DSCAM: variants seen among roughly 807,000 people sequenced by gnomAD.
DSCAM encodes the protein DS cell adhesion molecule.
Under a neutral mutation model 217.7 loss-of-function variants are expected in DSCAM, and 47 were observed. That is an observed-to-expected ratio of 0.22 (90% CI 0.17 to 0.28). The LOEUF is 0.28. Ranked by LOEUF, DSCAM falls within the 10% of genes least tolerant of loss-of-function variation. The pLI is 1.00. For missense variants in DSCAM, 2,080 were observed against 2,618.3 expected (o/e 0.79, Z 4.49); for synonymous variants, 1,056 against 1,015.3 (o/e 1.04, Z -0.76).
intron 1 of DSCAM, among the ~76,000 whole-genome samples, chr21:40,790,193 T>TC (rs2091628881): frequency 1.5e-5 from 2 of 134,084 alleles, no homozygotes; most frequent in Admixed American, 1.6e-4. Flanking sequence ...TTTTTTTTTT[T>TC]TTTTTTTAGA....
chr21:40,700,368 T>C (rs1375454384), intron 2 of DSCAM, among the ~76,000 whole-genome samples: 1 of 152,254 alleles, frequency 6.6e-6, no homozygotes, highest in East Asian at 1.9e-4. Flanking sequence ...GGAAGTTCCT[T>C]TCTACTGATG....
chr21:40,192,745 C>T (rs1381240307), intron 11 of DSCAM, among the ~76,000 whole-genome samples: 2 of 152,168 alleles, frequency 1.3e-5, no homozygotes, highest in African/African-American at 4.8e-5. Flanking sequence ...TGTCATAGCA[C>T]AGTACTTTGT....
At chr21:40,213,264 A>G (rs2091203193) in intron 11 of DSCAM, among the ~76,000 whole-genome samples, 1 of 152,144 alleles carries the variant, frequency 6.6e-6, no homozygotes, top group African/African-American at 2.4e-5. Context: ...GCATATTTTA[A>G]TCACCCCAGA....
At chr21:40,359,422 C>A (rs1461504774) in intron 4 of DSCAM, among the ~76,000 whole-genome samples, 1 of 152,178 alleles carries the variant, frequency 6.6e-6, no homozygotes, top group Non-Finnish European at 1.5e-5. Flanking sequence ...AACAAGTTGG[C>A]ATTTTCTTAA....
chr21:40,797,321 C>T (rs916989932), intron 1 of DSCAM, among the ~76,000 whole-genome samples: 4 of 152,098 alleles, frequency 2.6e-5, no homozygotes, highest in African/African-American at 4.8e-5. Context: ...GCTGCTTAGC[C>T]GGTAATTCAA....
chr21:40,431,195 A>G (rs1246356891), intron 3 of DSCAM, among the ~76,000 whole-genome samples: 1 of 152,208 alleles, frequency 6.6e-6, no homozygotes, highest in African/African-American at 2.4e-5. Context: ...ATCTCATGTA[A>G]TGGGGTGTAC....
chr21:40,383,253 G>C (rs551181620), intron 3 of DSCAM: 23 of 152,270 alleles, frequency 1.5e-4, no homozygotes, highest in African/African-American at 5.5e-4. Flanking sequence ...GCTGGAACCC[G>C]GGAGGCAGAG....
intron 16 of DSCAM, among the ~76,000 whole-genome samples, chr21:40,155,349 C>G (rs1357248042): frequency 6.6e-6 from 1 of 152,182 alleles, no homozygotes; most frequent in Non-Finnish European, 1.5e-5. Flanking sequence ...AGGGGGTATG[C>G]TAGTCTGTGA....
chr21:40,362,598 G>T (rs545082921), intron 4 of DSCAM, among the ~76,000 whole-genome samples: 1 of 152,174 alleles, frequency 6.6e-6, no homozygotes, highest in African/African-American at 2.4e-5. Context: ...CATTTCGTTC[G>T]CATTCAGTAG....
chr21:40,313,867 T>C (rs1045909443), intron 8 of DSCAM, among the ~76,000 whole-genome samples: 3 of 152,230 alleles, frequency 2.0e-5, no homozygotes, highest in African/African-American at 4.8e-5. Flanking sequence ...TAATCTAATA[T>C]AAACCAATTA....
At chr21:40,333,427 C>T (rs2074397070) in intron 8 of DSCAM, among the ~76,000 whole-genome samples, 1 of 152,092 alleles carries the variant, frequency 6.6e-6, no homozygotes, top group Non-Finnish European at 1.5e-5. Context: ...TGCAGTGGTG[C>T]TATCTTGGCT....
chr21:40,329,602 G>C (rs887363148), intron 8 of DSCAM, among the ~76,000 whole-genome samples: 7 of 147,886 alleles, frequency 4.7e-5, no homozygotes, highest in African/African-American at 1.8e-4. Context: ...CACAGAGTGA[G>C]ACTCCGTCTC....
chr21:40,668,883 G>GA (rs150420626), intron 3 of DSCAM, among the ~76,000 whole-genome samples: 38,418 of 151,554 alleles, frequency 0.25, 5,973 homozygotes, highest in Admixed American at 0.42. Flanking sequence ...TAGTGATTGG[G>GA]AAAAAAACAA....
intron 3 of DSCAM, among the ~76,000 whole-genome samples, chr21:40,525,084 C>G (rs188658893): frequency 6.7e-6 from 1 of 148,950 alleles, no homozygotes; most frequent in Non-Finnish European, 1.5e-5. Flanking sequence ...ATTCCCATGA[C>G]ATTTACACCA....
intron 3 of DSCAM, among the ~76,000 whole-genome samples, chr21:40,378,210 T>C (rs1412718767): frequency 6.6e-6 from 1 of 152,224 alleles, no homozygotes; most frequent in African/African-American, 2.4e-5. Flanking sequence ...GAATTACGTT[T>C]TAATTAATTG....
Position 40,432,795 on chromosome 21 carries a change from A to G in DSCAM, c.509-63550T>C, listed in dbSNP as rs115590219. Among the ~76,000 whole-genome samples the G allele has an allele frequency of 4.6e-3, 698 of 152,266 alleles. 7 individuals are homozygous for G. Among genetic ancestry groups the G allele is most frequent in the African/African-American group, 0.016 (671 of 41,528 alleles). ...GCAATTATATGGCTTAGGTGAGATA[A>G]TCTCTGTCATACAGGTGAGGAAACT... On this transcript the variant is annotated intron_variant, in intron 3 of 32. Coordinates refer to ENST00000400454, the MANE Select transcript of DSCAM (RefSeq NM_001389.5).
intron 11 of DSCAM, among the ~76,000 whole-genome samples, chr21:40,274,547 C>A (rs1408276256): frequency 1.3e-5 from 2 of 152,200 alleles, no homozygotes; most frequent in African/African-American, 2.4e-5. Context: ...GCAAAATACA[C>A]CCCTTTCCTT....
At chr21:40,276,434 T>C (rs972371015) in intron 10 of DSCAM, among the ~76,000 whole-genome samples, 164 bp from the exon 11 acceptor site, 1 of 152,218 alleles carries the variant, frequency 6.6e-6, no homozygotes, top group Non-Finnish European at 1.5e-5. Context: ...GTATTAAAAT[T>C]CTTGTTTAGA....
intron 11 of DSCAM, among the ~76,000 whole-genome samples, chr21:40,265,592 ATAC>A (rs1272177144): frequency 6.6e-6 from 1 of 152,230 alleles, no homozygotes; most frequent in African/African-American, 2.4e-5. Flanking sequence ...ACTTCAAATG[ATAC>A]TACAAGGCTA....
Sources: gnomAD v4.1 joint callset for allele counts (sites outside exome capture counted in the v4.1 genomes callset) on GRCh38, gnomAD v4.1.1 for gene constraint, MANE v1.5 for transcripts, NCBI Gene and HGNC (gene_info 2026-07-23, HGNC 2026-07-21) for gene names.